Variants in USP36 observed in about 807,000 individuals in gnomAD.
USP36 encodes ubiquitin specific peptidase 36.
In USP36, 59 loss-of-function variants were observed where a neutral mutation model predicts 111.5. The observed-to-expected ratio is 0.53, with a 90% CI of 0.43 to 0.66. USP36 has a LOEUF of 0.66. USP36 is among the 30% of genes least tolerant of loss of function. The pLI, the probability that USP36 is intolerant of heterozygous loss-of-function variation, is 0.00. For missense variants in USP36, 1,488 were observed against 1,468.0 expected, an observed-to-expected ratio of 1.01 and a Z score of -0.22; for synonymous variants, 628 against 581.0, an observed-to-expected ratio of 1.08 and a Z score of -1.16.
intron 4 of USP36, among the ~76,000 whole-genome samples, chr17:78,831,487 C>G (rs1454945066): frequency 6.6e-6 from 1 of 151,762 alleles, no homozygotes; most frequent in Non-Finnish European, 1.5e-5. Context: ...GTGGCAGTCA[C>G]CTGTAATCCC....
chr17:78,831,177 G>T (rs1220437908), intron 4 of USP36, among the ~76,000 whole-genome samples: 1 of 111,984 alleles, frequency 8.9e-6, no homozygotes, highest in Non-Finnish European at 1.6e-5. Context: ...AGTGAGCCAA[G>T]ATCACACCAC....
chr17:78,815,917 C>T (rs73394969), intron 10 of USP36, among the ~76,000 whole-genome samples: 3,704 of 151,954 alleles, frequency 0.024, 157 homozygotes, highest in African/African-American at 0.084. Context: ...CACATGCATA[C>T]GCACACATAC....
rs2093906084 is a variant in USP36, at chr17:78,806,521, T to C, written c.2086-235A>G. On this transcript the variant is annotated intron_variant, in intron 14 of 20. Coordinates refer to ENST00000449938, the MANE Select transcript of USP36 (RefSeq NM_001385174.1). ...AAGGAAGAAAATTTAAACAAAAATC[T>C]CAGCACAACAATCACATCCACGTGC... Among the ~76,000 whole-genome samples, 4 of 152,182 alleles carry C rather than the reference T, an allele frequency of 2.6e-5. No individual in the cohort carries two copies. In the South Asian group the frequency reaches 8.3e-4, roughly 32 times the overall value.
intron 4 of USP36, among the ~76,000 whole-genome samples, chr17:78,831,487 C>T (rs1454945066): frequency 6.6e-6 from 1 of 151,762 alleles, no homozygotes; most frequent in South Asian, 2.1e-4. Flanking sequence ...GTGGCAGTCA[C>T]CTGTAATCCC....
chr17:78,788,988 A>G (rs2093558806), intron 3 of USP36, among the ~76,000 whole-genome samples: 1 of 151,902 alleles, frequency 6.6e-6, no homozygotes, highest in Non-Finnish European at 1.5e-5. Flanking sequence ...TCACGAGGTC[A>G]GGAGTTCGAG....
Position 78,799,040 on chromosome 17 carries a change from G to C in USP36, c.3125-17C>G. The C allele has an allele frequency of 6.2e-7, 1 of 1,612,392 alleles. No homozygotes were observed. The highest frequency in any genetic ancestry group is 8.5e-7 in the Non-Finnish European group (1 of 1,179,084). ...AGGTCAGAACTACCAGGCAGACACG[G>C]GGGTCAGCACGAGTGCAGGTTCCCA... On this transcript the variant is annotated splice_polypyrimidine_tract_variant and intron_variant, in intron 18 of 20. Coordinates refer to ENST00000449938, the MANE Select transcript of USP36 (RefSeq NM_001385174.1).
At chr17:78,800,417 C>T (rs1169414338) in intron 17 of USP36, among the ~76,000 whole-genome samples, 1 of 152,382 alleles carries the variant, frequency 6.6e-6, no homozygotes, top group East Asian at 1.9e-4. Context: ...ACCAGGACAG[C>T]ACTCACCACC....
At chr17:78,800,186 A>G (rs192940993) in intron 17 of USP36, among the ~76,000 whole-genome samples, 2 of 151,716 alleles carry the variant, frequency 1.3e-5, no homozygotes, top group African/African-American at 4.8e-5. Context: ...TTAAGTCCTC[A>G]GTCTGACAGA....
At chr17:78,820,823 C>G (rs551754817) in intron 8 of USP36, among the ~76,000 whole-genome samples, 168 bp downstream of exon 8, 9 of 152,270 alleles carry the variant, frequency 5.9e-5, no homozygotes, top group Admixed American at 2.6e-4. Flanking sequence ...AGGAAAAACT[C>G]TAGAAAAAAA....
chr17:78,796,577 A>G lies in USP36; in HGVS notation c.*1323T>C, dbSNP rs1017735236. 3 of 152,258 alleles carry G rather than the reference A, an allele frequency of 2.0e-5. No homozygotes were observed. In the South Asian group the frequency reaches 6.2e-4, roughly 32 times the overall value. The allele number at this position is 152,258 out of a possible 1,614,324, so 9.4% of individuals were successfully genotyped here. A position where few individuals can be genotyped will look rare whatever the true frequency, so the allele number is the denominator to read the frequency against. On this transcript the variant is annotated 3_prime_UTR_variant, in exon 21 of 21. Coordinates refer to ENST00000449938, the MANE Select transcript of USP36 (RefSeq NM_001385174.1). ...GAAAAAAATAAATGTATCTTCCCAT[A>G]TTAAAAAAGCAATTCCATCTACACG...
At position 78,835,445 on chromosome 17, in the gene USP36, G is replaced by C; in HGVS notation, c.310C>G (p.Leu104Val). The change falls in exon 4 of 21, where the codon CTT becomes GTT. Residue 104 changes from leucine to valine, a missense_variant. Around this residue, in one of 3 missense-constraint regions of USP36, gnomAD observed 219 missense variants for 209.5 expected, o/e 1.05. Coordinates refer to ENST00000449938, the MANE Select transcript of USP36 (RefSeq NM_001385174.1). The part of the protein sequence containing the change: ...GDGVPAPQKV[L>V]FPTERLSLRW... ...AGAGACAGTCGCTCCGTGGGGAAAA[G>C]CACTTTCTGCGGGGCTGGGACTCCG... The C allele has an allele frequency of 3.1e-6, 5 of 1,613,932 alleles. No individual in the cohort carries two copies. Among genetic ancestry groups the C allele is most frequent in the Non-Finnish European group, 3.4e-6 (4 of 1,179,914 alleles).
rs2093691658 is a variant in USP36 at position 78,799,667 on chromosome 17, C to T, written c.3124G>A (p.Val1042Ile). 4 of 1,611,854 alleles carry T rather than the reference C, an allele frequency of 2.5e-6. No individual in the cohort carries two copies. The highest frequency in any genetic ancestry group is 3.4e-6 in the Non-Finnish European group (4 of 1,179,262). The change falls in exon 18 of 21, where the codon GTT becomes ATT. Residue 1042 changes from valine to isoleucine, a missense_variant and splice_region_variant. Val to Ile is a conservative substitution (Grantham distance 29, BLOSUM62 3). Coordinates refer to ENST00000449938, the MANE Select transcript of USP36 (RefSeq NM_001385174.1). ...AGAAGTCCTGTCTCCAAATCAGTAC[C>T]TTTTCTCCCGTAAGCTTTATCAGAT... ...YSSDKAYGRK[V>I]LTWDGKMSAV...
chr17:78,814,900 G>A (rs866744471), intron 10 of USP36, among the ~76,000 whole-genome samples: 2 of 152,188 alleles, frequency 1.3e-5, no homozygotes, highest in Middle Eastern at 3.4e-3. Context: ...GCAGTGAGCC[G>A]AGATCGAGCC....
rs1187542561 is a variant in USP36 at position 78,797,755 on chromosome 17, C to T, written c.*145G>A. 2 of 152,470 alleles carry T rather than the reference C, an allele frequency of 1.3e-5. No homozygotes were observed. The highest frequency in any genetic ancestry group is 2.9e-5 in the Non-Finnish European group (2 of 68,288). The allele number at this position is 152,470 out of a possible 1,614,324, so 9.4% of individuals were successfully genotyped here. On this transcript the variant is annotated 3_prime_UTR_variant, in exon 21 of 21. Coordinates refer to ENST00000449938, the MANE Select transcript of USP36 (RefSeq NM_001385174.1). ...CCTCAAAGCCTCTGTGTTGGGCGGTCTGTGGACACTGGTACCGGGAGAGCT... is the reference window on the plus strand; with the variant it reads ...CCTCAAAGCCTCTGTGTTGGGCGGTTTGTGGACACTGGTACCGGGAGAGCT...
At chr17:78,814,619 C>A in intron 10 of USP36, 67 bp from the exon 11 acceptor site, 1 of 1,553,730 alleles carries the variant, frequency 6.4e-7, no homozygotes, top group Non-Finnish European at 8.7e-7. Context: ...TTTGCCCTTT[C>A]CATCCACAAC....
At chr17:78,787,481 T>C (rs1385706594) in exon 4 of USP36, 1 of 152,196 alleles carries the variant, frequency 6.6e-6, no homozygotes, top group African/African-American at 2.4e-5. Context: ...TACAGAACCA[T>C]TTGTAATCAA....
chr17:78,797,274 G>A lies in USP36; in HGVS notation c.*626C>T, dbSNP rs145436112. 6.6e-6 allele frequency: 1 copy of A among 152,342 alleles called. No homozygotes were observed. The highest frequency in any genetic ancestry group is 1.5e-5 in the Non-Finnish European group (1 of 68,032). 9.4% of individuals were successfully genotyped at this position (152,342 alleles called of 1,614,324 possible). ...ACCCCAAATAGCCTCTGCTCTCCAGGACAGTTGAGAGCTACTCACAAGGAA... is the reference window on the plus strand; with the variant it reads ...ACCCCAAATAGCCTCTGCTCTCCAGAACAGTTGAGAGCTACTCACAAGGAA... On this transcript the variant is annotated 3_prime_UTR_variant, in exon 21 of 21. Coordinates refer to ENST00000449938, the MANE Select transcript of USP36 (RefSeq NM_001385174.1).
At chr17:78,822,515 C>T (rs2094353653) in intron 6 of USP36, among the ~76,000 whole-genome samples, 1 of 152,094 alleles carries the variant, frequency 6.6e-6, no homozygotes, top group South Asian at 2.1e-4. Context: ...ATCTCCCCGG[C>T]TCTGCACCCG....
Position 78,827,145 on chromosome 17 carries a change from T to G in USP36, c.689+100A>C, listed in dbSNP as rs3744792. On this transcript the variant is annotated intron_variant, in intron 6 of 20. Coordinates refer to ENST00000449938, the MANE Select transcript of USP36 (RefSeq NM_001385174.1). ...CACGTCTACCCAAGGGCAGCCTGGGTAGAAAGGTGCCGGGCTGGCTGTTGC... is the reference window on the plus strand; with the variant it reads ...CACGTCTACCCAAGGGCAGCCTGGGGAGAAAGGTGCCGGGCTGGCTGTTGC... The G allele has an allele frequency of 5.3e-3, 7,102 of 1,349,354 alleles. 314 individuals are homozygous for G. The East Asian group carries it at 0.12, about 22-fold the overall frequency. 83.6% of individuals were successfully genotyped at this position (1,349,354 alleles called of 1,614,324 possible).
Sources: gnomAD v4.1 joint callset for allele counts (sites outside exome capture counted in the v4.1 genomes callset) on GRCh38, gnomAD v4.1.1 for gene constraint, gnomAD v4.1.1 regional missense constraint, MANE v1.5 for transcripts, NCBI Gene and HGNC (gene_info 2026-07-23, HGNC 2026-07-21) for gene names.